The following EPHB2 variants were observed in gnomAD, a reference collection of about 807,000 sequenced individuals.
EPHB2 encodes the protein EPH receptor B2, also known as ephrin type-B receptor 2.
EPHB2 carries 18 observed loss-of-function variants against 96.4 expected under a neutral mutation model. The observed-to-expected ratio is 0.19, with a 90% CI of 0.13 to 0.28. The LOEUF (loss-of-function observed/expected upper bound fraction) is 0.28. EPHB2 is among the 10% of genes least tolerant of loss of function. The pLI is 1.00. For missense variants in EPHB2, 989 were observed against 1,355.4 expected (o/e 0.73, Z 4.25); for synonymous variants, 506 against 534.1 (o/e 0.95, Z 0.72).
At position 22,785,085 on chromosome 1, in the gene EPHB2, C is replaced by G. The variant is rs553940514; in HGVS notation, c.811+9C>G. 1.2e-5 allele frequency: 19 copies of G among 1,613,374 alleles called. No homozygotes were observed. The Admixed American group carries it at 3.0e-4, about 25-fold the overall frequency. ...TGGCACCGTCTGCCGAGGTAAGGGC[C>G]AGGGTGGGGCACGTGCCCCTGCAAA... On this transcript the variant is annotated intron_variant, in intron 3 of 15. Coordinates refer to ENST00000374630, the MANE Select transcript of EPHB2 (RefSeq NM_017449.5).
Position 22,784,403 on chromosome 1 carries a change from G to C in EPHB2, c.138G>C (p.Val46=), listed in dbSNP as rs1215811209. 6.2e-7 allele frequency: 1 copy of C among 1,614,150 alleles called. No individual in the cohort carries two copies. The highest frequency in any genetic ancestry group is 1.7e-5 in the Admixed American group (1 of 60,028). Residue 46 remains valine (V), a synonymous_variant, in exon 3 of 16, where the codon GTG becomes GTC. Transcript: ENST00000374630. The surrounding 1 kb of genome is among the most constrained non-coding windows in gnomAD (Gnocchi z 5.1). ...CATTTTACCCACAGTGGGAAGAGGT[G>C]AGTGGCTACGATGAGAACATGAACA... is the stretch of plus-strand genomic sequence containing the variant. ...MVHPPSGWEE[V]SGYDENMNTI...
At chr1:22,793,432 T>C (rs529530597) in intron 3 of EPHB2, among the ~76,000 whole-genome samples, 1 of 152,278 alleles carries the variant, frequency 6.6e-6, no homozygotes, top group African/African-American at 2.4e-5. Flanking sequence ...AGGAGCCATT[T>C]TCCCAGGGCT....
intron 5 of EPHB2, among the ~76,000 whole-genome samples, chr1:22,880,769 G>GT (rs1167719633): frequency 1.3e-5 from 2 of 152,236 alleles, no homozygotes; most frequent in African/African-American, 2.4e-5. Flanking sequence ...CTCAGGAAGC[G>GT]TGTGTAAAGG....
At chr1:22,850,508 CTGGGCCTGGCCCTGCCAGATG>C (rs893588852) in intron 3 of EPHB2, among the ~76,000 whole-genome samples, 1 of 152,228 alleles carries the variant, frequency 6.6e-6, no homozygotes, top group African/African-American at 2.4e-5. Flanking sequence ...CGGGAGGGGC[CTGGGCCTGGCCCTGCCAGATG>C]TGTCAAGCTT....
At chr1:22,878,354 C>T (rs1020420278) in intron 5 of EPHB2, among the ~76,000 whole-genome samples, 1 of 152,238 alleles carries the variant, frequency 6.6e-6, no homozygotes, top group Non-Finnish European at 1.5e-5. Flanking sequence ...CTGAGTCTTA[C>T]AGCTTCCCCA....
chr1:22,896,461 A>G lies in EPHB2; in HGVS notation c.1748A>G (p.His583Arg), dbSNP rs1247714705. ...ADSEYTDKLQ[H>R]YTSGHMTPGM... Reference sequence around the variant, plus strand: ...TCGGAGTACACGGACAAGCTGCAACACTACACCAGTGGCCACAGTATGTAC... The same window carrying G: ...TCGGAGTACACGGACAAGCTGCAACGCTACACCAGTGGCCACAGTATGTAC... The change falls in exon 9 of 16, where the codon CAC becomes CGC. Residue 583 changes from histidine (H) to arginine (R), a missense_variant. Physicochemically the swap from His to Arg is conservative, Grantham distance 29. Coordinates refer to ENST00000374630, the MANE Select transcript of EPHB2 (RefSeq NM_017449.5). 6.2e-7 allele frequency: 1 copy of G among 1,614,130 alleles called. No individual in the cohort carries two copies. The highest frequency in any genetic ancestry group is 8.5e-7 in the Non-Finnish European group (1 of 1,180,010).
At chr1:22,880,579 TGA>T (rs1639006018) in intron 5 of EPHB2, among the ~76,000 whole-genome samples, 1 of 152,242 alleles carries the variant, frequency 6.6e-6, no homozygotes, top group African/African-American at 2.4e-5. Flanking sequence ...GGGACCACAT[TGA>T]GAGTCCCTCT....
intron 3 of EPHB2, among the ~76,000 whole-genome samples, chr1:22,805,765 C>T (rs1340204850): frequency 6.6e-6 from 1 of 152,170 alleles, no homozygotes; most frequent in Non-Finnish European, 1.5e-5. Flanking sequence ...GGAGAGGGAG[C>T]TCACTAGCGC....
chr1:22,765,401 G>T (rs890864763), intron 1 of EPHB2, among the ~76,000 whole-genome samples: 6 of 152,016 alleles, frequency 3.9e-5, no homozygotes, highest in Middle Eastern at 3.2e-3. Flanking sequence ...ACAAAAATTA[G>T]CCAGGCATGG....
At chr1:22,876,719 G>A (rs542322143) in intron 5 of EPHB2, among the ~76,000 whole-genome samples, 1 of 152,326 alleles carries the variant, frequency 6.6e-6, no homozygotes, top group South Asian at 2.1e-4. Flanking sequence ...ACACCCCAGG[G>A]TGGGCGGTGG....
At chr1:22,817,314 G>A (rs571381200) in intron 3 of EPHB2, among the ~76,000 whole-genome samples, 12 of 152,264 alleles carry the variant, frequency 7.9e-5, no homozygotes, top group South Asian at 4.2e-4. Context: ...TCATAACCAC[G>A]CTCTGAAGCA....
chr1:22,785,716 C>G (rs2148426674), intron 3 of EPHB2, among the ~76,000 whole-genome samples: 1 of 152,372 alleles, frequency 6.6e-6, no homozygotes, highest in African/African-American at 2.4e-5. Flanking sequence ...AACCTCTGTG[C>G]ACATTTCACG....
At chr1:22,908,959 T>C in intron 12 of EPHB2, 63 bp from the exon 13 acceptor site, 3 of 1,605,712 alleles carry the variant, frequency 1.9e-6, no homozygotes, top group Non-Finnish European at 2.6e-6. Flanking sequence ...GGTGGGAGGA[T>C]TAAGAGAAGA....
chr1:22,836,354 C>G (rs1412919019), intron 3 of EPHB2, among the ~76,000 whole-genome samples: 5 of 152,382 alleles, frequency 3.3e-5, no homozygotes, highest in African/African-American at 1.2e-4. Context: ...GGCCCTTTCA[C>G]TTGTCCCCAT....
chr1:22,773,101 C>A (rs1644401265), intron 1 of EPHB2, among the ~76,000 whole-genome samples: 1 of 152,210 alleles, frequency 6.6e-6, no homozygotes, highest in African/African-American at 2.4e-5. Flanking sequence ...CCAGCCTTTG[C>A]ATACTGTAAA....
At chr1:22,798,490 G>A (rs1297285818) in intron 3 of EPHB2, among the ~76,000 whole-genome samples, 2 of 151,348 alleles carry the variant, frequency 1.3e-5, no homozygotes, top group Non-Finnish European at 2.9e-5. Context: ...AACCACTATA[G>A]TTTCAGCTCC....
intron 3 of EPHB2, among the ~76,000 whole-genome samples, chr1:22,830,125 TC>T (rs1423353138): frequency 6.6e-6 from 1 of 152,194 alleles, no homozygotes; most frequent in Non-Finnish European, 1.5e-5. Flanking sequence ...GCAAATTCCT[TC>T]CCAGGACTGG....
At position 22,797,773 on chromosome 1, in the gene EPHB2, T is replaced by A. The variant is rs115772312; in HGVS notation, c.811+12697T>A. On this transcript the variant is annotated intron_variant, in intron 3 of 15. Transcript: ENST00000374630. ...ATGGCTCACAAGGCCCTTCATCATC[T>A]TTCCCTTCTCTCACCTTTCTGACCG... 2.7e-3 allele frequency among the ~76,000 whole-genome samples: 411 copies of A among 152,224 alleles called. 3 individuals are homozygous for A. Among genetic ancestry groups the A allele is most frequent in the African/African-American group, 9.6e-3 (398 of 41,524 alleles).
Position 22,917,456 on chromosome 1 carries a change from A to G in EPHB2, c.*3886A>G, listed in dbSNP as rs1319171797. The G allele has an allele frequency of 6.6e-6, 1 of 152,360 alleles. No individual in the cohort carries two copies. The highest frequency in any genetic ancestry group is 1.9e-4 in the East Asian group (1 of 5,182). 9.4% of individuals were successfully genotyped at this position (152,360 alleles called of 1,614,324 possible). Reference sequence around the variant, plus strand: ...GATAACGTAAATGCATTCAAAAGACAGGGTACCACATGATGCTAGGGAAAG... The same window carrying G: ...GATAACGTAAATGCATTCAAAAGACGGGGTACCACATGATGCTAGGGAAAG... On this transcript the variant is annotated 3_prime_UTR_variant, in exon 16 of 16. Transcript: ENST00000374630.
Sources: allele counts gnomAD v4.1 joint callset (sites outside exome capture counted in the v4.1 genomes callset), GRCh38; gene constraint gnomAD v4.1.1; non-coding constraint Gnocchi (gnomAD v3.1); transcripts MANE v1.5; gene names NCBI Gene and HGNC (gene_info 2026-07-23, HGNC 2026-07-21).